Variants in CSMD1 observed in about 807,000 individuals in gnomAD.
CSMD1 encodes CUB and Sushi multiple domains 1.
Under a neutral mutation model 417.5 loss-of-function variants are expected in CSMD1, and 213 were observed. The observed-to-expected ratio is 0.51, with a 90% CI of 0.46 to 0.57. The LOEUF (loss-of-function observed/expected upper bound fraction) is 0.57, where lower values mean the gene tolerates loss of function less well. Among genes scored for constraint, CSMD1 ranks in the 20% least tolerant of loss-of-function variants. CSMD1 has a pLI of 0.00. For missense variants in CSMD1, 6,923 were observed against 4,529.7 expected (o/e 1.53, Z -15.17); for synonymous variants, 2,862 against 1,736.8 (o/e 1.65, Z -16.11).
chr8:3,682,886 T>C (rs1294272046), intron 7 of CSMD1, among the ~76,000 whole-genome samples: 1 of 152,206 alleles, frequency 6.6e-6, no homozygotes, highest in Non-Finnish European at 1.5e-5. Context: ...GTTCATGTCA[T>C]TTGTAGAAAC....
At chr8:3,274,109 G>C (rs1172517554) in intron 26 of CSMD1, among the ~76,000 whole-genome samples, 3 of 151,890 alleles carry the variant, frequency 2.0e-5, no homozygotes, top group Non-Finnish European at 1.5e-5. Flanking sequence ...ATGTGTCCCA[G>C]AGACTCTGGT....
At chr8:3,188,531 T>C (rs567676111) in intron 35 of CSMD1, among the ~76,000 whole-genome samples, 2 of 152,052 alleles carry the variant, frequency 1.3e-5, no homozygotes, top group Non-Finnish European at 2.9e-5. Flanking sequence ...AGTCTTGAAC[T>C]CCTGACATCA....
intron 3 of CSMD1, among the ~76,000 whole-genome samples, chr8:4,405,130 A>G (rs1585024517): frequency 6.6e-6 from 1 of 152,214 alleles, no homozygotes; most frequent in Non-Finnish European, 1.5e-5. Context: ...AGCATTGGTT[A>G]TTTCACATAG....
At chr8:3,258,256 A>G (rs1391192570) in intron 26 of CSMD1, among the ~76,000 whole-genome samples, 2 of 152,248 alleles carry the variant, frequency 1.3e-5, no homozygotes, top group South Asian at 2.1e-4. Flanking sequence ...TTACACGACA[A>G]AAACAACCCC....
At chr8:4,866,299 T>G (rs892731089) in intron 1 of CSMD1, among the ~76,000 whole-genome samples, 3 of 151,980 alleles carry the variant, frequency 2.0e-5, no homozygotes, top group African/African-American at 7.2e-5. Context: ...AAATATTTTA[T>G]TATCTAGTGA....
chr8:4,352,312 T>A (rs185943734), intron 3 of CSMD1, among the ~76,000 whole-genome samples: 3 of 152,342 alleles, frequency 2.0e-5, no homozygotes, highest in Admixed American at 6.5e-5. Flanking sequence ...TAGAACTATC[T>A]ATGCCATCAT....
intron 3 of CSMD1, among the ~76,000 whole-genome samples, chr8:4,329,230 G>A (rs1213652063): frequency 6.6e-6 from 1 of 152,150 alleles, no homozygotes; most frequent in Admixed American, 6.5e-5. Context: ...GACCTTATCA[G>A]TGTTGACATA....
chr8:3,468,579 G>C (rs965025849), intron 12 of CSMD1, 133 bp downstream of exon 12: 3 of 593,276 alleles, frequency 5.1e-6, no homozygotes, highest in Admixed American at 3.1e-5. Flanking sequence ...CTTTAAGGAA[G>C]TTCCCGTCAT....
intron 36 of CSMD1, among the ~76,000 whole-genome samples, chr8:3,182,562 G>T: frequency 6.8e-6 from 1 of 147,938 alleles, no homozygotes; most frequent in Non-Finnish European, 1.5e-5. Context: ...GACTCTGGCT[G>T]TCTTTTTATA....
intron 5 of CSMD1, among the ~76,000 whole-genome samples, chr8:3,768,093 T>G (rs551529008): frequency 5.9e-5 from 9 of 152,202 alleles, no homozygotes; most frequent in Non-Finnish European, 1.0e-4. Context: ...TAGAGTCATA[T>G]ATTTAAAGAC....
In CSMD1 at chr8:3,920,708, G is replaced by A. The variant is rs561454546; in HGVS notation, c.818+77195C>T. 8.6e-5 allele frequency among the ~76,000 whole-genome samples: 13 copies of A among 150,902 alleles called. No homozygotes were observed. In the South Asian group the frequency reaches 2.3e-3, roughly 27 times the overall value. ...GAAAATAGGTTAAATTTTGTCAAAT[G>A]CTTTTTTGTGCATCTATTGAGATGA... is the stretch of plus-strand genomic sequence containing the variant. On this transcript the variant is annotated intron_variant, in intron 5 of 69. Transcript: ENST00000635120.
intron 3 of CSMD1, among the ~76,000 whole-genome samples, chr8:4,043,451 G>A (rs1046176637): frequency 6.6e-6 from 1 of 152,112 alleles, no homozygotes; most frequent in African/African-American, 2.4e-5. Flanking sequence ...CATGATAATG[G>A]ATGAAAAATA....
intron 5 of CSMD1, among the ~76,000 whole-genome samples, chr8:3,754,756 C>T (rs577059638): frequency 1.1e-4 from 17 of 152,278 alleles, no homozygotes; most frequent in African/African-American, 3.8e-4. Flanking sequence ...CGCCCGGCCA[C>T]AAGACTTACG....
chr8:3,062,901 G>C (rs776720715), intron 49 of CSMD1, among the ~76,000 whole-genome samples: 4 of 151,982 alleles, frequency 2.6e-5, no homozygotes, highest in Non-Finnish European at 5.9e-5. Flanking sequence ...AAAAGAGACA[G>C]GTACAAACAT....
chr8:3,274,503 G>C (rs995563039), intron 26 of CSMD1, among the ~76,000 whole-genome samples: 15 of 152,122 alleles, frequency 9.9e-5, no homozygotes, highest in African/African-American at 3.6e-4. Context: ...CTGTCTTGTT[G>C]ATCTGTCTAA....
intron 7 of CSMD1, among the ~76,000 whole-genome samples, chr8:3,618,338 T>C (rs1228857994): frequency 1.3e-5 from 2 of 152,168 alleles, no homozygotes; most frequent in Non-Finnish European, 2.9e-5. Context: ...TGAGAATAAA[T>C]TTGGGTAACA....
intron 23 of CSMD1, among the ~76,000 whole-genome samples, chr8:3,339,202 A>T (rs1215317664): frequency 6.6e-6 from 1 of 151,964 alleles, no homozygotes; most frequent in Non-Finnish European, 1.5e-5. Flanking sequence ...TCCATGGTGT[A>T]TATGTGCCAC....
At chr8:4,603,044 A>G (rs1800680160) in intron 2 of CSMD1, among the ~76,000 whole-genome samples, 1 of 152,014 alleles carries the variant, frequency 6.6e-6, no homozygotes, top group African/African-American at 2.4e-5. Flanking sequence ...AAATTCTAAA[A>G]ATGAACTAAA....
chr8:3,703,309 C>A (rs986665143), intron 7 of CSMD1, among the ~76,000 whole-genome samples: 1 of 152,160 alleles, frequency 6.6e-6, no homozygotes, highest in African/African-American at 2.4e-5. Flanking sequence ...GAAAGCAAGG[C>A]TGTGTAAAGA....
Sources: gnomAD v4.1 joint callset for allele counts (sites outside exome capture counted in the v4.1 genomes callset) on GRCh38, gnomAD v4.1.1 for gene constraint, MANE v1.5 for transcripts, NCBI Gene and HGNC (gene_info 2026-07-23, HGNC 2026-07-21) for gene names.